The following RBFOX1 variants were observed in gnomAD, a reference collection of about 807,000 sequenced individuals.
The protein encoded by RBFOX1 is RNA binding fox-1 homolog 1.
In RBFOX1, 8 loss-of-function variants were observed where a neutral mutation model predicts 57.7. The ratio of observed to expected loss-of-function variants is 0.14; its 90% CI spans 0.08 to 0.25. RBFOX1 has a LOEUF of 0.25. RBFOX1 is among the 10% of genes least tolerant of loss of function. The probability of loss-of-function intolerance (pLI) is 1.00; values close to 1 mark genes in which losing one functional copy is unlikely to be tolerated. For synonymous variants in RBFOX1, 326 were observed against 222.4 expected, an observed-to-expected ratio of 1.47 and a Z score of -4.15; for missense variants, 611 against 548.5, an observed-to-expected ratio of 1.11 and a Z score of -1.14.
intron 4 of RBFOX1, among the ~76,000 whole-genome samples, chr16:5,905,143 C>T (rs1232433665): frequency 7.1e-5 from 10 of 141,350 alleles, no homozygotes; most frequent in African/African-American, 2.7e-4. Context: ...TCTTGGCTCA[C>T]TGCAACCTCC....
At chr16:5,969,833 C>G (rs1365061358) in intron 4 of RBFOX1, among the ~76,000 whole-genome samples, 1 of 151,846 alleles carries the variant, frequency 6.6e-6, no homozygotes, top group South Asian at 2.1e-4. Context: ...TGCTGACTTC[C>G]AGCAATATCT....
chr16:6,621,464 A>T (rs1310616285), intron 2 of RBFOX1, among the ~76,000 whole-genome samples: 2 of 137,130 alleles, frequency 1.5e-5, no homozygotes, highest in Admixed American at 7.6e-5. Flanking sequence ...ACTCTGTCTC[A>T]AAACAAACAA....
rs139935791 is a variant in RBFOX1 at position 5,825,363 on chromosome 16, C to T, written c.319-41940C>T. 6.0e-3 allele frequency among the ~76,000 whole-genome samples: 918 copies of T among 152,296 alleles called. 15 individuals carry two copies. The highest frequency in any genetic ancestry group is 0.021 in the African/African-American group (868 of 41,582). On this transcript the variant is annotated intron_variant, in intron 3 of 19. Coordinates refer to the RBFOX1 transcript ENST00000641259. The stretch of plus-strand genomic sequence containing the variant: ...CTCTATGCCACATCTTTTGCAGATT[C>T]CACCTTCATGCTCATTTCCTGTATA...
intron 2 of RBFOX1, among the ~76,000 whole-genome samples, chr16:6,364,253 C>T (rs1271826419): frequency 6.6e-6 from 1 of 152,100 alleles, no homozygotes. Flanking sequence ...AGTATAAAGC[C>T]CTTTACCTGA....
intron 1 of RBFOX1, among the ~76,000 whole-genome samples, chr16:5,418,100 A>AACAACAACAAC (rs1374462092): frequency 6.6e-6 from 1 of 152,060 alleles, no homozygotes; most frequent in African/African-American, 2.4e-5. Context: ...CAACAACAAC[A>AACAACAACAAC]ACAAATCTGT....
Position 6,019,476 on chromosome 16 carries a change from T to C in RBFOX1, c.-643T>C, listed in dbSNP as rs2095026366. On this transcript the variant is annotated 5_prime_UTR_variant, in exon 1 of 16. Transcript: ENST00000550418. This position sits in a 1 kb window ranked among gnomAD's most constrained non-coding sequence, Gnocchi z 4.2. ...ACCCGAACTCGCGGAGGGGAATCCC[T>C]CCCCCTCCGCCCCAGCCCCCCAGCA... 5 of 1,000,228 alleles carry C rather than the reference T, an allele frequency of 5.0e-6. No individual in the cohort carries two copies. Among genetic ancestry groups the C allele is most frequent in the South Asian group, 4.7e-5 (1 of 21,410 alleles). The allele number at this position is 1,000,228 out of a possible 1,614,324, so 62.0% of individuals were successfully genotyped here.
intron 2 of RBFOX1, among the ~76,000 whole-genome samples, chr16:6,318,955 C>G (rs968964890): frequency 6.6e-6 from 1 of 151,662 alleles, no homozygotes; most frequent in Non-Finnish European, 1.5e-5. Context: ...AACCTCAATC[C>G]CCTTCAGAGA....
At chr16:7,420,037 A>C (rs1043659165) in intron 4 of RBFOX1, among the ~76,000 whole-genome samples, 1 of 150,086 alleles carries the variant, frequency 6.7e-6, no homozygotes, top group African/African-American at 2.5e-5. Flanking sequence ...ATATGTTGTC[A>C]CTGTTTCTTT....
chr16:7,019,941 C>G (rs2153670019), intron 3 of RBFOX1, among the ~76,000 whole-genome samples: 1 of 152,134 alleles, frequency 6.6e-6, no homozygotes, highest in South Asian at 2.1e-4. Flanking sequence ...ATTTTGTTCT[C>G]TCCACCTGAA....
intron 4 of RBFOX1, among the ~76,000 whole-genome samples, chr16:5,870,959 G>C (rs1470301418): frequency 6.6e-6 from 1 of 151,986 alleles, no homozygotes; most frequent in African/African-American, 2.4e-5. Context: ...GAGACAAAAA[G>C]AATGACAAAC....
At chr16:5,516,857 G>T (rs774400735) in intron 2 of RBFOX1, among the ~76,000 whole-genome samples, 1 of 152,124 alleles carries the variant, frequency 6.6e-6, no homozygotes, top group African/African-American at 2.4e-5. Context: ...TGCCATGATT[G>T]TAAGTTTCCT....
chr16:5,547,471 C>G (rs555375440), intron 2 of RBFOX1, among the ~76,000 whole-genome samples: 2 of 152,100 alleles, frequency 1.3e-5, no homozygotes, highest in African/African-American at 4.8e-5. Context: ...GGGTAAGTCT[C>G]AAAATCTTTA....
rs115619336 is a variant in RBFOX1, at chr16:6,758,972, G to A, written c.-16+104322G>A. 1.9e-3 allele frequency among the ~76,000 whole-genome samples: 292 copies of A among 152,106 alleles called. 4 individuals are homozygous for A. Among genetic ancestry groups the A allele is most frequent in the African/African-American group, 6.9e-3 (287 of 41,468 alleles). ...CCTTTGCTTTCTAAGCTAGAAAAATGGATGTTGAACTTAAATCTATTCAGA... is the reference window on the plus strand; with the variant it reads ...CCTTTGCTTTCTAAGCTAGAAAAATAGATGTTGAACTTAAATCTATTCAGA... On this transcript the variant is annotated intron_variant, in intron 3 of 15. Coordinates refer to ENST00000550418, the MANE Select transcript of RBFOX1 (RefSeq NM_018723.4).
chr16:6,861,295 C>G (rs1215339984), intron 3 of RBFOX1, among the ~76,000 whole-genome samples: 1 of 152,102 alleles, frequency 6.6e-6, no homozygotes, highest in Non-Finnish European at 1.5e-5. Flanking sequence ...TATACAAAAA[C>G]AAGGTCCCTT....
chr16:5,856,202 T>TAC (rs1567630940), intron 3 of RBFOX1, among the ~76,000 whole-genome samples: 2 of 45,232 alleles, frequency 4.4e-5, no homozygotes, highest in African/African-American at 1.3e-4. Flanking sequence ...TATATATATA[T>TAC]ATATACATAT....
intron 4 of RBFOX1, among the ~76,000 whole-genome samples, chr16:7,082,527 A>G (rs1248531644): frequency 1.3e-5 from 2 of 151,278 alleles, no homozygotes; most frequent in Non-Finnish European, 2.9e-5. Context: ...GGTTGATCAA[A>G]CCTCCACCTG....
At chr16:6,474,957 C>G (rs549607569) in intron 2 of RBFOX1, among the ~76,000 whole-genome samples, 2 of 152,312 alleles carry the variant, frequency 1.3e-5, no homozygotes, top group African/African-American at 4.8e-5. Flanking sequence ...AATACATAAA[C>G]TGACCTTGTA....
rs564175669 is a variant in RBFOX1 at position 6,665,200 on chromosome 16, C to G, written c.-16+10550C>G. Reference sequence around the variant, plus strand: ...TCTTTTTCAGTGGCTTAGTAAAGTTCCTGGATGTGGCTTAAGAGGTGTCAC... The same window carrying G: ...TCTTTTTCAGTGGCTTAGTAAAGTTGCTGGATGTGGCTTAAGAGGTGTCAC... On this transcript the variant is annotated intron_variant, in intron 3 of 15. Coordinates refer to ENST00000550418, the MANE Select transcript of RBFOX1 (RefSeq NM_018723.4). Among the ~76,000 whole-genome samples, 7 of 152,090 alleles carry G rather than the reference C, an allele frequency of 4.6e-5. No homozygotes were observed. The South Asian group carries it at 8.3e-4, about 18-fold the overall frequency.
chr16:5,552,718 G>A (rs1445428686), intron 2 of RBFOX1, among the ~76,000 whole-genome samples: 2 of 152,184 alleles, frequency 1.3e-5, no homozygotes, highest in Non-Finnish European at 2.9e-5. Flanking sequence ...TTCTGAGCGG[G>A]AAGATCCCAT....
Sources: allele counts gnomAD v4.1 joint callset (sites outside exome capture counted in the v4.1 genomes callset), GRCh38; gene constraint gnomAD v4.1.1; non-coding constraint Gnocchi (gnomAD v3.1); transcripts MANE v1.5; gene names NCBI Gene and HGNC (gene_info 2026-07-23, HGNC 2026-07-21).